Variants in THSD7A observed in about 807,000 individuals in gnomAD.
The protein encoded by THSD7A is thrombospondin type-1 domain-containing protein 7A.
A neutral mutation model predicts 231.3 loss-of-function variants in THSD7A; 96 were observed. The ratio of observed to expected loss-of-function variants is 0.41; its 90% CI spans 0.35 to 0.49. The LOEUF is 0.49. Among genes scored for constraint, THSD7A ranks in the 20% least tolerant of loss-of-function variants. The pLI, the probability that THSD7A is intolerant of heterozygous loss-of-function variation, is 0.05. For synonymous variants in THSD7A, 940 were observed against 743.3 expected, an observed-to-expected ratio of 1.26 and a Z score of -4.30; for missense variants, 2,290 against 2,070.2, an observed-to-expected ratio of 1.11 and a Z score of -2.06.
chr7:11,718,162 G>C (rs1297533827), intron 1 of THSD7A, among the ~76,000 whole-genome samples: 2 of 151,586 alleles, frequency 1.3e-5, no homozygotes, highest in East Asian at 3.9e-4. Flanking sequence ...AACTTTATTT[G>C]ATATATAGTA....
chr7:11,576,285 A>G (rs2128336323), intron 4 of THSD7A, among the ~76,000 whole-genome samples: 1 of 152,280 alleles, frequency 6.6e-6, no homozygotes, highest in African/African-American at 2.4e-5. Context: ...AATATTCAAA[A>G]TCACATCATT....
chr7:11,760,110 C>T (rs528454353), intron 1 of THSD7A, among the ~76,000 whole-genome samples: 1 of 152,144 alleles, frequency 6.6e-6, no homozygotes, highest in African/African-American at 2.4e-5. Flanking sequence ...TGATGATAGA[C>T]ACCTTAGGAT....
At chr7:11,579,087 G>C (rs1312143249) in intron 4 of THSD7A, among the ~76,000 whole-genome samples, 1 of 152,088 alleles carries the variant, frequency 6.6e-6, no homozygotes, top group Admixed American at 6.6e-5. Flanking sequence ...CTTGTATTTT[G>C]AGCATATTTT....
At chr7:11,485,674 C>T (rs545176049) in intron 6 of THSD7A, among the ~76,000 whole-genome samples, 4 of 152,178 alleles carry the variant, frequency 2.6e-5, no homozygotes, top group African/African-American at 9.6e-5. Flanking sequence ...TGCTTTTGAA[C>T]TAGATTGGGG....
At chr7:11,651,447 C>T (rs751531185) in intron 1 of THSD7A, among the ~76,000 whole-genome samples, 3 of 151,580 alleles carry the variant, frequency 2.0e-5, no homozygotes, top group Non-Finnish European at 4.4e-5. Context: ...TTTATGTTTT[C>T]TCTACCACTG....
At chr7:11,555,132 T>C (rs1789792429) in intron 4 of THSD7A, among the ~76,000 whole-genome samples, 4 of 151,928 alleles carry the variant, frequency 2.6e-5, no homozygotes. Flanking sequence ...CTTTCCTTCT[T>C]GCTTTCAACT....
At chr7:11,662,239 T>C (rs537970756) in intron 1 of THSD7A, among the ~76,000 whole-genome samples, 18 of 151,260 alleles carry the variant, frequency 1.2e-4, no homozygotes, top group South Asian at 1.0e-3. Flanking sequence ...ATAAAGAAGC[T>C]TGTGCAGATA....
chr7:11,509,821 C>CCAA (rs1787720801), intron 6 of THSD7A, among the ~76,000 whole-genome samples: 1 of 39,974 alleles, frequency 2.5e-5, no homozygotes, highest in African/African-American at 7.2e-5. Flanking sequence ...GAGTCCGTCT[C>CCAA]AAAAAAAAAA....
intron 11 of THSD7A, among the ~76,000 whole-genome samples, chr7:11,452,512 C>G (rs1219544660): frequency 1.3e-5 from 2 of 151,890 alleles, no homozygotes; most frequent in Admixed American, 6.6e-5. Flanking sequence ...CCAATGATCC[C>G]CAGTCTCACT....
At position 11,615,943 on chromosome 7, in the gene THSD7A, A is replaced by T. The variant is rs189361545; in HGVS notation, c.1022+20187T>A. ...TATTTTCTTCCATTATGTAACATTT[A>T]AAAAATATCTCACTGGTATTCATTT... is the stretch of plus-strand genomic sequence containing the variant. On this transcript the variant is annotated intron_variant, in intron 2 of 27. Coordinates refer to ENST00000423059, the MANE Select transcript of THSD7A (RefSeq NM_015204.3). 4.8e-3 allele frequency among the ~76,000 whole-genome samples: 735 copies of T among 152,284 alleles called. 17 individuals carry two copies. The highest frequency in any genetic ancestry group is 1.2e-3 in the Non-Finnish European group (80 of 68,012).
At chr7:11,783,153 C>A (rs6460841) in intron 1 of THSD7A, among the ~76,000 whole-genome samples, 87,958 of 151,896 alleles carry the variant, frequency 0.58, 26,194 homozygotes, top group African/African-American at 0.73. Flanking sequence ...TCTACTTACA[C>A]TGGGGTTATG....
At chr7:11,525,492 A>G (rs10231791) in intron 6 of THSD7A, among the ~76,000 whole-genome samples, 40,029 of 151,890 alleles carry the variant, frequency 0.26, 6,472 homozygotes, top group African/African-American at 0.46. Flanking sequence ...TAATGGAAGT[A>G]ATACAACTAT....
At chr7:11,669,531 G>A (rs1364170897) in intron 1 of THSD7A, among the ~76,000 whole-genome samples, 2 of 151,880 alleles carry the variant, frequency 1.3e-5, no homozygotes, top group African/African-American at 4.8e-5. Flanking sequence ...ATAAAGGAAT[G>A]ACCAACATTG....
chr7:11,616,778 A>G (rs1391548156), intron 2 of THSD7A, among the ~76,000 whole-genome samples: 1 of 152,116 alleles, frequency 6.6e-6, no homozygotes, highest in Non-Finnish European at 1.5e-5. Context: ...TTGAAAGGGC[A>G]CATCCTGTAG....
intron 4 of THSD7A, among the ~76,000 whole-genome samples, chr7:11,589,953 C>T (rs557518789): frequency 5.9e-4 from 89 of 152,110 alleles, no homozygotes; most frequent in African/African-American, 1.7e-3. Flanking sequence ...TTAAAAAATG[C>T]CTTTGGGTTA....
At chr7:11,542,232 T>C (rs1789181754) in intron 5 of THSD7A, among the ~76,000 whole-genome samples, 1 of 152,256 alleles carries the variant, frequency 6.6e-6, no homozygotes, top group Non-Finnish European at 1.5e-5. Context: ...AAAGTCCTGC[T>C]TTGTGCTTTA....
intron 1 of THSD7A, among the ~76,000 whole-genome samples, chr7:11,739,982 T>C (rs1191897273): frequency 6.6e-6 from 1 of 151,978 alleles, no homozygotes; most frequent in African/African-American, 2.4e-5. Flanking sequence ...TAAGGTGACA[T>C]TTTAAGAGAC....
chr7:11,530,385 T>C (rs987882394), intron 6 of THSD7A, among the ~76,000 whole-genome samples: 1 of 152,094 alleles, frequency 6.6e-6, no homozygotes, highest in African/African-American at 2.4e-5. Flanking sequence ...TAAGAGTCAT[T>C]TCTTGAAAAT....
intron 1 of THSD7A, among the ~76,000 whole-genome samples, chr7:11,824,282 T>G (rs961064129): frequency 6.6e-6 from 1 of 152,054 alleles, no homozygotes; most frequent in African/African-American, 2.4e-5. Context: ...TTCACTACAC[T>G]GAGGGACTTC....
Sources: gnomAD v4.1 joint callset for allele counts (sites outside exome capture counted in the v4.1 genomes callset) on GRCh38, gnomAD v4.1.1 for gene constraint, MANE v1.5 for transcripts, NCBI Gene and HGNC (gene_info 2026-07-23, HGNC 2026-07-21) for gene names.